The following NT5C3A variants were observed in gnomAD, a reference collection of about 807,000 sequenced individuals.
NT5C3A encodes the protein 5'-nucleotidase, cytosolic IIIA, also known as cytosolic 5'-nucleotidase 3A.
In NT5C3A, 23 loss-of-function variants were observed where a neutral mutation model predicts 40.0. The ratio of observed to expected loss-of-function variants is 0.58; its 90% confidence interval spans 0.41 to 0.81. The LOEUF is 0.81. Ranked by LOEUF, NT5C3A falls within the 40% of genes least tolerant of loss-of-function variation. NT5C3A has a pLI of 0.00. For synonymous variants in NT5C3A, 130 were observed against 141.4 expected, an observed-to-expected ratio of 0.92 and a Z score of 0.57; for missense variants, 328 against 403.0, an observed-to-expected ratio of 0.81 and a Z score of 1.59.
rs1785791417 is a variant in NT5C3A, at chr7:33,024,192, T to C, written c.238-84A>G. ...CTGTGCTACCCAAACACATACTTCA[T>C]GCTTTCCTAGATGCATAGGACTGTG... On this transcript the variant is annotated intron_variant, in intron 2 of 8. Transcript: ENST00000610140. 33 of 766,920 alleles carry C rather than the reference T, an allele frequency of 4.3e-5. No individual in the cohort carries two copies. In the South Asian group the frequency reaches 4.6e-4, roughly 11 times the overall value. The allele number at this position is 766,920 out of a possible 1,614,324, so 47.5% of individuals were successfully genotyped here. A position where few individuals can be genotyped will look rare whatever the true frequency, so the allele number is the denominator to read the frequency against.
chr7:33,029,286 A>G (rs566742793), intron 1 of NT5C3A: 3 of 179,812 alleles, frequency 1.7e-5, no homozygotes, highest in African/African-American at 7.1e-5. Flanking sequence ...CGCCTAACCA[A>G]TATTTACCAT....
chr7:33,052,803 G>T (rs1787422500), intron 1 of NT5C3A, among the ~76,000 whole-genome samples: 1 of 152,072 alleles, frequency 6.6e-6, no homozygotes, highest in African/African-American at 2.4e-5. Context: ...TCACCTGCAG[G>T]CTTGTTAAAA....
intron 3 of NT5C3A, among the ~76,000 whole-genome samples, chr7:33,023,471 C>G (rs1026813759): frequency 6.6e-6 from 1 of 152,088 alleles, no homozygotes; most frequent in African/African-American, 2.4e-5. Context: ...TTTGGTCAGG[C>G]TGGTCTTGAA....
chr7:33,062,547 G>A (rs1253367264), intron 1 of NT5C3A, 21 bp downstream of exon 1: 11 of 1,603,324 alleles, frequency 6.9e-6, no homozygotes, highest in African/African-American at 2.7e-5. Flanking sequence ...TGCTCTGGGC[G>A]CGCCGAGCCT....
intron 1 of NT5C3A, among the ~76,000 whole-genome samples, chr7:33,060,153 A>G (rs1434883382): frequency 6.6e-6 from 1 of 152,114 alleles, no homozygotes; most frequent in Non-Finnish European, 1.5e-5. Context: ...GGGTCTCCCT[A>G]TGCCGCCCAG....
chr7:33,024,645 G>C (rs1785817006), intron 2 of NT5C3A, among the ~76,000 whole-genome samples: 1 of 152,104 alleles, frequency 6.6e-6, no homozygotes, highest in Non-Finnish European at 1.5e-5. Context: ...ACAGTGGAAT[G>C]ACTATAGTAA....
At chr7:33,027,262 G>A (rs558445000) in intron 1 of NT5C3A, among the ~76,000 whole-genome samples, 14 of 152,084 alleles carry the variant, frequency 9.2e-5, no homozygotes, top group Non-Finnish European at 1.6e-4. Flanking sequence ...AGTGAGTGAG[G>A]TCTTGCTTTG....
At chr7:33,041,398 T>C (rs949749635) in intron 1 of NT5C3A, among the ~76,000 whole-genome samples, 1 of 152,182 alleles carries the variant, frequency 6.6e-6, no homozygotes, top group African/African-American at 2.4e-5. Context: ...GTGGTTATGG[T>C]TGCACGGTAG....
rs1787840486 is a variant in NT5C3A, at chr7:33,062,775, G to A, written c.-70C>T. 5.8e-6 allele frequency: 9 copies of A among 1,546,522 alleles called. No homozygotes were observed. Among genetic ancestry groups the A allele is most frequent in the Non-Finnish European group, 6.1e-6 (7 of 1,146,142 alleles). On this transcript the variant is annotated 5_prime_UTR_variant, in exon 1 of 9. Transcript: ENST00000610140. Reference sequence around the variant, plus strand: ...CTCGCGTAGACTGCGAGTCTCGGAAGCGCGGGATCCCAGAGCATCACGGAC... The same window carrying A: ...CTCGCGTAGACTGCGAGTCTCGGAAACGCGGGATCCCAGAGCATCACGGAC...
chr7:33,047,602 A>G (rs1787206577), intron 1 of NT5C3A, among the ~76,000 whole-genome samples: 2 of 152,192 alleles, frequency 1.3e-5, no homozygotes, highest in African/African-American at 4.8e-5. Flanking sequence ...TTATAAACAA[A>G]TTAAGTAAAC....
intron 1 of NT5C3A, among the ~76,000 whole-genome samples, chr7:33,038,241 C>G (rs1786715070): frequency 6.6e-6 from 1 of 151,736 alleles, no homozygotes; most frequent in Non-Finnish European, 1.5e-5. Flanking sequence ...TTGAAAAGCC[C>G]AAGGGCAAAC....
At chr7:33,029,440 G>C (rs1786125094) in intron 1 of NT5C3A, 1 of 350,576 alleles carries the variant, frequency 2.9e-6, no homozygotes, top group Non-Finnish European at 5.6e-6. Context: ...ACCTCAGCTA[G>C]TAAGTTTATC....
chr7:33,015,759 G>A lies in NT5C3A; in HGVS notation c.805C>T (p.Leu269Phe), dbSNP rs1785288917. 14 of 1,610,100 alleles carry A rather than the reference G, an allele frequency of 8.7e-6. No individual in the cohort carries two copies. Among genetic ancestry groups the A allele is most frequent in the Non-Finnish European group, 1.1e-5 (13 of 1,176,332 alleles). The stretch of plus-strand genomic sequence containing the variant: ...AAGTCTCCTTGGGAGTCTCCCAGAA[G>A]AATTATGTTACTATTGTCTTTTAGT... ...NQLKDNSNII[L>F]LGDSQGDLRM... The change falls in exon 8 of 9, where the codon CTT becomes TTT. Residue 269 changes from leucine to phenylalanine, a missense_variant. By Grantham distance (22) the Leu-to-Phe change is conservative. Around this residue, in one of 3 missense-constraint regions of NT5C3A, gnomAD observed 12 missense variants for 34.7 expected, o/e 0.35. Coordinates refer to ENST00000610140, the MANE Select transcript of NT5C3A (RefSeq NM_001002010.5).
At chr7:33,053,290 T>C (rs1040431354) in intron 1 of NT5C3A, among the ~76,000 whole-genome samples, 2 of 152,160 alleles carry the variant, frequency 1.3e-5, no homozygotes, top group East Asian at 3.9e-4. Flanking sequence ...CGGGTTCAAG[T>C]AATTCTCCTG....
At chr7:33,026,791 G>T (rs773621241) in intron 2 of NT5C3A, 26 bp downstream of exon 2, 1 of 1,505,602 alleles carries the variant, frequency 6.6e-7, no homozygotes, top group Non-Finnish European at 9.2e-7. Flanking sequence ...AACACACACA[G>T]CCAAGGCTTC....
intron 1 of NT5C3A, among the ~76,000 whole-genome samples, chr7:33,057,199 G>A (rs1315207530): frequency 1.3e-5 from 2 of 151,988 alleles, no homozygotes; most frequent in African/African-American, 4.8e-5. Flanking sequence ...TCTTAAAGTG[G>A]AAGAAGGGAA....
At chr7:33,015,522 C>A in intron 8 of NT5C3A, 148 bp downstream of exon 8, 1 of 618,418 alleles carries the variant, frequency 1.6e-6, no homozygotes, top group South Asian at 2.0e-5. Context: ...GTGATTGCAT[C>A]ACTACACTCT....
At chr7:33,042,780 A>C (rs574517859) in intron 1 of NT5C3A, among the ~76,000 whole-genome samples, 20 of 152,322 alleles carry the variant, frequency 1.3e-4, no homozygotes, top group African/African-American at 4.8e-4. Context: ...TTTCCTAAAG[A>C]AATTAGGCAG....
intron 1 of NT5C3A, chr7:33,046,227 T>C (rs552882690): frequency 2.6e-5 from 4 of 152,326 alleles, no homozygotes; most frequent in South Asian, 4.1e-4. Context: ...CCCATCTCAA[T>C]GTATTTCTTA....
Sources: gnomAD v4.1 joint callset for allele counts (sites outside exome capture counted in the v4.1 genomes callset) on GRCh38, gnomAD v4.1.1 for gene constraint, gnomAD v4.1.1 regional missense constraint, MANE v1.5 for transcripts, NCBI Gene and HGNC (gene_info 2026-07-23, HGNC 2026-07-21) for gene names.